ATF3: variants seen among roughly 807,000 people sequenced by gnomAD.
ATF3 encodes activating transcription factor 3.
A neutral mutation model predicts 18.4 loss-of-function variants in ATF3; 10 were observed. The observed-to-expected ratio is 0.54, with a 90% CI of 0.34 to 0.92. The LOEUF (loss-of-function observed/expected upper bound fraction) is 0.92. Among genes scored for constraint, ATF3 ranks in the 40% least tolerant of loss-of-function variants. The probability of loss-of-function intolerance (pLI) is 0.02; values close to 1 mark genes in which losing one functional copy is unlikely to be tolerated. For synonymous variants in ATF3, 78 were observed against 87.9 expected, an observed-to-expected ratio of 0.89 and a Z score of 0.63; for missense variants, 183 against 222.3, an observed-to-expected ratio of 0.82 and a Z score of 1.12.
chr1:212,584,224 A>G (rs1039440185), intron 1 of ATF3, among the ~76,000 whole-genome samples: 3 of 152,202 alleles, frequency 2.0e-5, no homozygotes, highest in Non-Finnish European at 4.4e-5. Flanking sequence ...CCACTGGAAT[A>G]CAAAGTTCTG....
chr1:212,592,954 A>C (rs917176689), intron 1 of ATF3, among the ~76,000 whole-genome samples: 2 of 152,132 alleles, frequency 1.3e-5, no homozygotes, highest in African/African-American at 4.8e-5. Context: ...TACCCAAAGG[A>C]ATATAAATCA....
chr1:212,590,810 T>G (rs1379207376), intron 1 of ATF3, among the ~76,000 whole-genome samples: 1 of 152,208 alleles, frequency 6.6e-6, no homozygotes, highest in Admixed American at 6.5e-5. Context: ...GAGTTAGCGT[T>G]GGATATGGGC....
intron 2 of ATF3, among the ~76,000 whole-genome samples, chr1:212,616,708 G>C (rs961739670): frequency 4.6e-5 from 7 of 152,232 alleles, no homozygotes; most frequent in African/African-American, 1.7e-4. Flanking sequence ...ATCCACGTGA[G>C]TCAGGGGGCC....
chr1:212,576,412 C>G (rs376067278), intron 1 of ATF3, among the ~76,000 whole-genome samples: 17 of 151,866 alleles, frequency 1.1e-4, no homozygotes, highest in African/African-American at 3.4e-4. Flanking sequence ...TTCATCTTCC[C>G]TAAATATAAT....
At chr1:212,581,360 C>T (rs1239012336) in intron 1 of ATF3, among the ~76,000 whole-genome samples, 1 of 152,126 alleles carries the variant, frequency 6.6e-6, no homozygotes, top group Non-Finnish European at 1.5e-5. Flanking sequence ...CCTGCACCTG[C>T]TTGAGACAGA....
intron 1 of ATF3, among the ~76,000 whole-genome samples, chr1:212,602,411 C>T (rs764594659): frequency 6.6e-5 from 10 of 152,134 alleles, no homozygotes; most frequent in African/African-American, 9.7e-5. Context: ...GATTCTGACA[C>T]GATGTAGAGC....
chr1:212,599,097 C>T (rs1654404320), intron 1 of ATF3, among the ~76,000 whole-genome samples: 1 of 152,208 alleles, frequency 6.6e-6, no homozygotes, highest in Non-Finnish European at 1.5e-5. Flanking sequence ...CGAGGGTTAA[C>T]TTTTCTGCAC....
intron 1 of ATF3, among the ~76,000 whole-genome samples, chr1:212,577,204 A>C (rs1479228420): frequency 6.6e-6 from 1 of 152,118 alleles, no homozygotes; most frequent in Non-Finnish European, 1.5e-5. Context: ...GAATCTATTG[A>C]TGTCTATGAG....
At chr1:212,571,055 G>A (rs571537649) in intron 1 of ATF3, among the ~76,000 whole-genome samples, 1 of 152,134 alleles carries the variant, frequency 6.6e-6, no homozygotes, top group African/African-American at 2.4e-5. Flanking sequence ...TTCTCCAAAG[G>A]TGTTATACCA....
rs544313949 is a variant in ATF3 at position 212,614,557 on chromosome 1, T to C, written c.-4-461T>C. Among the ~76,000 whole-genome samples the C allele has an allele frequency of 8.0e-5, 12 of 150,104 alleles. No individual in the cohort carries two copies. The South Asian group carries it at 2.6e-3, about 32-fold the overall frequency. ...CTCTTTGAAAAAGAGGCTTTTTTTTTTAAGTGAAAGAAACTTTATTTTGAG... is the reference window on the plus strand; with the variant it reads ...CTCTTTGAAAAAGAGGCTTTTTTTTCTAAGTGAAAGAAACTTTATTTTGAG... On this transcript the variant is annotated intron_variant, in intron 1 of 3. Coordinates refer to ENST00000341491, the MANE Select transcript of ATF3 (RefSeq NM_001674.4).
chr1:212,595,387 C>A (rs1043719193), intron 1 of ATF3, among the ~76,000 whole-genome samples: 1 of 152,192 alleles, frequency 6.6e-6, no homozygotes, highest in African/African-American at 2.4e-5. Flanking sequence ...AGGCTACAGC[C>A]CCCTGCCTTC....
chr1:212,597,860 T>C (rs1654358187), intron 1 of ATF3, among the ~76,000 whole-genome samples: 2 of 152,236 alleles, frequency 1.3e-5, no homozygotes, highest in African/African-American at 4.8e-5. Context: ...TAATTCATCA[T>C]TCCATCTCCT....
chr1:212,600,974 A>G (rs2102641475), intron 1 of ATF3, among the ~76,000 whole-genome samples: 1 of 152,314 alleles, frequency 6.6e-6, no homozygotes, highest in African/African-American at 2.4e-5. Flanking sequence ...TTAACTCTTC[A>G]GGTCAAGAAA....
intron 1 of ATF3, among the ~76,000 whole-genome samples, chr1:212,581,746 T>C (rs867492922): frequency 6.6e-6 from 1 of 152,170 alleles, no homozygotes; most frequent in Non-Finnish European, 1.5e-5. Context: ...ACTTAATATA[T>C]ACATGTGAAA....
At position 212,615,107 on chromosome 1, in the gene ATF3, T is replaced by G. The variant is rs765763477; in HGVS notation, c.86T>G (p.Leu29Arg). 6.2e-7 allele frequency: 1 copy of G among 1,614,212 alleles called. No individual in the cohort carries two copies. Among genetic ancestry groups the G allele is most frequent in the Non-Finnish European group, 8.5e-7 (1 of 1,180,030 alleles). The change falls in exon 2 of 4, where the codon CTG (leucine) becomes CGG (arginine). Residue 29 changes from leucine (L) to arginine (R), a missense_variant. Coordinates refer to ENST00000341491, the MANE Select transcript of ATF3 (RefSeq NM_001674.4). ...IVPCLSPPGS[L>R]VFEDFANLTP... ...CCCTGCCTGTCCCCTCCTGGGTCACTGGTGTTTGAGGATTTTGCTAACCTG... is the reference window on the plus strand; with the variant it reads ...CCCTGCCTGTCCCCTCCTGGGTCACGGGTGTTTGAGGATTTTGCTAACCTG...
At chr1:212,600,301 A>G (rs952091414) in intron 1 of ATF3, among the ~76,000 whole-genome samples, 1 of 152,226 alleles carries the variant, frequency 6.6e-6, no homozygotes, top group Admixed American at 6.5e-5. Flanking sequence ...CCCTGGGGAC[A>G]GAGTCCAAAC....
chr1:212,615,375 C>T, intron 2 of ATF3, 114 bp downstream of exon 2: 1 of 1,343,720 alleles, frequency 7.4e-7, no homozygotes, highest in Non-Finnish European at 1.0e-6. Context: ...AACAAAACCA[C>T]TGCCCTCAGG....
intron 1 of ATF3, among the ~76,000 whole-genome samples, chr1:212,594,913 G>A (rs991147245): frequency 5.9e-5 from 9 of 152,202 alleles, no homozygotes; most frequent in African/African-American, 2.2e-4. Flanking sequence ...GACTTAGCAT[G>A]TATTGAACTG....
chr1:212,591,238 G>A (rs967859959), intron 1 of ATF3, among the ~76,000 whole-genome samples: 4 of 152,140 alleles, frequency 2.6e-5, no homozygotes, highest in Non-Finnish European at 4.4e-5. Context: ...CTCCTGCACC[G>A]CAGTCTCCCC....
Sources: allele counts gnomAD v4.1 joint callset (sites outside exome capture counted in the v4.1 genomes callset), GRCh38; gene constraint gnomAD v4.1.1; transcripts MANE v1.5; gene names NCBI Gene and HGNC (gene_info 2026-07-23, HGNC 2026-07-21).